Variants in SUFU observed in about 807,000 individuals in gnomAD.
The protein encoded by SUFU is SUFU negative regulator of hedgehog signaling.
A neutral mutation model predicts 58.9 loss-of-function variants in SUFU; 7 were observed. The observed-to-expected ratio is 0.12, with a 90% CI of 0.07 to 0.22. The LOEUF (loss-of-function observed/expected upper bound fraction) is 0.22, where lower values mean the gene tolerates loss of function less well. SUFU is among the 10% of genes least tolerant of loss of function. SUFU has a pLI of 1.00. For missense variants in SUFU, 451 were observed against 641.3 expected (o/e 0.70, Z 3.20); for synonymous variants, 232 against 254.8 (o/e 0.91, Z 0.85).
At chr10:102,586,764 C>T (rs2135848479) in intron 3 of SUFU, among the ~76,000 whole-genome samples, 1 of 152,162 alleles carries the variant, frequency 6.6e-6, no homozygotes, top group East Asian at 1.9e-4. Flanking sequence ...TTATTAAGTA[C>T]ATTCACATTG....
intron 8 of SUFU, among the ~76,000 whole-genome samples, chr10:102,604,694 G>A (rs547444930): frequency 1.3e-3 from 203 of 152,282 alleles, no homozygotes; most frequent in African/African-American, 4.4e-3. Flanking sequence ...TCTGGCTAGA[G>A]TAAGCTCATT....
intron 2 of SUFU, among the ~76,000 whole-genome samples, chr10:102,549,007 G>A (rs1021614352): frequency 1.3e-5 from 2 of 152,164 alleles, no homozygotes; most frequent in African/African-American, 4.8e-5. Flanking sequence ...TGCTAATTGA[G>A]GAGTGTGTGT....
At chr10:102,622,050 C>G (rs879651910) in intron 10 of SUFU, among the ~76,000 whole-genome samples, 7 of 152,212 alleles carry the variant, frequency 4.6e-5, no homozygotes, top group Non-Finnish European at 8.8e-5. Flanking sequence ...CACCACCCAG[C>G]CAAGCTGGTT....
chr10:102,619,344 C>G lies in SUFU; in HGVS notation c.1296+1916C>G, dbSNP rs1228892939. ...CAGCGAGCCTGAGGCCCAGCACCCG[C>G]TGGCTCCCCAGCACATGGTCCCCTC... On this transcript the variant is annotated intron_variant, in intron 10 of 11. Coordinates refer to ENST00000369902, the MANE Select transcript of SUFU (RefSeq NM_016169.4). The surrounding 1 kb of genome is among the most constrained non-coding windows in gnomAD (Gnocchi z 4.2). 7.0e-7 allele frequency: 1 copy of G among 1,423,190 alleles called. No individual in the cohort carries two copies. Among genetic ancestry groups the G allele is most frequent in the Non-Finnish European group, 9.2e-7 (1 of 1,091,620 alleles). The allele number at this position is 1,423,190 out of a possible 1,614,324, so 88.2% of individuals were successfully genotyped here. A position where few individuals can be genotyped will look rare whatever the true frequency, so the allele number is the denominator to read the frequency against.
At chr10:102,630,033 C>T in intron 11 of SUFU, 33 bp from the exon 12 acceptor site, 1 of 1,593,586 alleles carries the variant, frequency 6.3e-7, no homozygotes, top group South Asian at 1.1e-5. Context: ...GCTAACCACT[C>T]ACACTCCTGG....
At chr10:102,541,405 TTC>T (rs869097821) in intron 2 of SUFU, among the ~76,000 whole-genome samples, 573 of 3,538 alleles carry the variant, frequency 0.16, 4 homozygotes, top group South Asian at 0.35. Context: ...CTTTCTTTCT[TTC>T]TTTTTTTTTG....
intron 3 of SUFU, among the ~76,000 whole-genome samples, chr10:102,565,037 TGA>T (rs561183506): frequency 1.5e-3 from 227 of 152,288 alleles, no homozygotes; most frequent in Non-Finnish European, 2.5e-3. Context: ...ACTTAAACCC[TGA>T]GAGCAGAGGT....
At position 102,617,787 on chromosome 10, in the gene SUFU, G is replaced by A; in HGVS notation, c.1296+359G>A. ...AAGAACTCAAGGATGAAGCAAGATGGGAGGATGTGTGGAGGCCACTCTCCA... is the reference window on the plus strand; with the variant it reads ...AAGAACTCAAGGATGAAGCAAGATGAGAGGATGTGTGGAGGCCACTCTCCA... On this transcript the variant is annotated intron_variant, in intron 10 of 11. Transcript: ENST00000369902. The surrounding 1 kb of genome is among the most constrained non-coding windows in gnomAD (Gnocchi z 4.4). The A allele has an allele frequency of 1.9e-6, 1 of 527,872 alleles. No individual in the cohort carries two copies. Among genetic ancestry groups the A allele is most frequent in the Non-Finnish European group, 3.3e-6 (1 of 301,204 alleles). 32.7% of individuals were successfully genotyped at this position (527,872 alleles called of 1,614,324 possible).
chr10:102,627,554 C>A (rs764821694), intron 11 of SUFU, among the ~76,000 whole-genome samples: 8 of 152,262 alleles, frequency 5.3e-5, no homozygotes, highest in Admixed American at 6.5e-5. Context: ...GAAGCCAGGG[C>A]CTTCAGGCTA....
intron 2 of SUFU, among the ~76,000 whole-genome samples, chr10:102,531,941 G>A (rs1447148100): frequency 6.7e-6 from 1 of 150,066 alleles, no homozygotes; most frequent in Non-Finnish European, 1.5e-5. Flanking sequence ...CCTCCCTTCT[G>A]CTGATTTCCT....
In SUFU at chr10:102,619,237, C is replaced by T; in HGVS notation, c.1296+1809C>T. 5 of 1,507,530 alleles carry T rather than the reference C, an allele frequency of 3.3e-6. No individual in the cohort carries two copies. The South Asian group carries it at 6.3e-5, about 19-fold the overall frequency. The allele number at this position is 1,507,530 out of a possible 1,614,324, so 93.4% of individuals were successfully genotyped here. On this transcript the variant is annotated intron_variant, in intron 10 of 11. Coordinates refer to ENST00000369902, the MANE Select transcript of SUFU (RefSeq NM_016169.4). The surrounding 1 kb of genome is among the most constrained non-coding windows in gnomAD (Gnocchi z 4.2). ...CCTGAATGCCCTTCGGACCCAACCC[C>T]AATTCCCCAAGCCCCTGACCCCCTA...
chr10:102,579,093 C>T (rs1242473927), intron 3 of SUFU, among the ~76,000 whole-genome samples: 1 of 152,184 alleles, frequency 6.6e-6, no homozygotes, highest in East Asian at 1.9e-4. Context: ...TTCAGGCTCT[C>T]TCTAAGGGGT....
At chr10:102,568,209 TAA>T (rs71912020) in intron 3 of SUFU, among the ~76,000 whole-genome samples, 1 of 144,408 alleles carries the variant, frequency 6.9e-6, no homozygotes. Flanking sequence ...CATTTTTACT[TAA>T]AAAAAAAAAA....
At chr10:102,521,762 A>T (rs901150899) in intron 2 of SUFU, among the ~76,000 whole-genome samples, 1 of 152,218 alleles carries the variant, frequency 6.6e-6, no homozygotes, top group Admixed American at 6.5e-5. Flanking sequence ...TCAAGAAGAC[A>T]AAGTCTAAAA....
At chr10:102,520,661 T>G (rs1326164071) in intron 2 of SUFU, among the ~76,000 whole-genome samples, 2 of 152,234 alleles carry the variant, frequency 1.3e-5, no homozygotes, top group Non-Finnish European at 2.9e-5. Context: ...CTGTTTGGTT[T>G]TTTTTACTAT....
chr10:102,586,161 A>C lies in SUFU; in HGVS notation c.455-6421A>C, dbSNP rs190055151. On this transcript the variant is annotated intron_variant, in intron 3 of 11. Transcript: ENST00000369902. Reference sequence around the variant, plus strand: ...TGGCCTCCCAAAGTGCTGGGATTACAGGTGTGAGCCACCATGCCCGGCCAG... The same window carrying C: ...TGGCCTCCCAAAGTGCTGGGATTACCGGTGTGAGCCACCATGCCCGGCCAG... Among the ~76,000 whole-genome samples, 450 of 151,926 alleles carry C rather than the reference A, an allele frequency of 3.0e-3. 3 individuals carry two copies. The highest frequency in any genetic ancestry group is 0.01 in the African/African-American group (430 of 41,484).
At position 102,518,214 on chromosome 10, in the gene SUFU, T is replaced by C. The variant is rs963371198; in HGVS notation, c.317+8911T>C. 2.0e-5 allele frequency among the ~76,000 whole-genome samples: 3 copies of C among 152,222 alleles called. No individual in the cohort carries two copies. In the South Asian group the frequency reaches 6.2e-4, roughly 32 times the overall value. On this transcript the variant is annotated intron_variant, in intron 2 of 11. Transcript: ENST00000369902. The stretch of plus-strand genomic sequence containing the variant: ...GAACAACTCTATGGTGTAGGACTTA[T>C]TATCCTTATTTTACACATAAGGAAA...
intron 2 of SUFU, among the ~76,000 whole-genome samples, chr10:102,523,464 G>T (rs1476167156): frequency 6.6e-6 from 1 of 152,162 alleles, no homozygotes; most frequent in African/African-American, 2.4e-5. Context: ...AGTCCCAGGG[G>T]GGTCGAGCTG....
At chr10:102,590,153 CTTTTTTCTTTTT>C (rs1209717914) in intron 3 of SUFU, among the ~76,000 whole-genome samples, 4 of 73,840 alleles carry the variant, frequency 5.4e-5, no homozygotes, top group Admixed American at 2.1e-4. Flanking sequence ...TTTTTTTTTT[CTTTTTTCTTTTT>C]TTTTTTTTTT....
Sources: allele counts gnomAD v4.1 joint callset (sites outside exome capture counted in the v4.1 genomes callset), GRCh38; gene constraint gnomAD v4.1.1; non-coding constraint Gnocchi (gnomAD v3.1); transcripts MANE v1.5; gene names NCBI Gene and HGNC (gene_info 2026-07-23, HGNC 2026-07-21).